TIGD3: variants seen among roughly 807,000 people sequenced by gnomAD.
The protein encoded by TIGD3 is tigger transposable element derived 3.
Under a neutral mutation model 14.8 loss-of-function variants are expected in TIGD3, and 7 were observed. The observed-to-expected ratio is 0.47, with a 90% CI of 0.27 to 0.89. The LOEUF is 0.89. Ranked by LOEUF, TIGD3 falls within the 40% of genes least tolerant of loss-of-function variation. The pLI is 0.13. For missense variants in TIGD3, 581 were observed against 611.0 expected (o/e 0.95, Z 0.52); for synonymous variants, 243 against 269.4 (o/e 0.90, Z 0.96).
In TIGD3 at chr11:65,356,172, G is replaced by T; in HGVS notation, c.364G>T (p.Gly122Cys). ...IMGQDFVPSI[G>C]WLVRWKRRNN... The stretch of plus-strand genomic sequence containing the variant: ...GGGCCAGGACTTCGTGCCCAGCATC[G>T]GCTGGCTGGTCCGCTGGAAACGCCG... Residue 122 changes from glycine (G) to cysteine (C), a missense_variant, in exon 2 of 2, where the codon GGC (glycine) becomes TGC (cysteine). Transcript: ENST00000309880. This position sits in a 1 kb window ranked among gnomAD's most constrained non-coding sequence, Gnocchi z 5.2. The T allele has an allele frequency of 6.2e-7, 1 of 1,612,072 alleles. No homozygotes were observed. The highest frequency in any genetic ancestry group is 8.5e-7 in the Non-Finnish European group (1 of 1,179,982).
rs775657846 is a variant in TIGD3 at position 65,356,220 on chromosome 11, C to G, written c.412C>G (p.Arg138Gly). Residue 138 changes from arginine (R) to glycine (G), a missense_variant, in exon 2 of 2, where the codon CGC becomes GGC. By Grantham distance (125) the Arg-to-Gly change is moderately radical. Transcript: ENST00000309880. The surrounding 1 kb of genome is among the most constrained non-coding windows in gnomAD (Gnocchi z 5.2). Reference protein sequence around the residue: ...KRRNNVGFGARHVLAPSFPPE... With the variant: ...KRRNNVGFGAGHVLAPSFPPE... ...CCGAAACAACGTCGGCTTTGGGGCC[C>G]GCCATGTTCTTGCGCCTTCATTCCC... The G allele has an allele frequency of 1.2e-6, 2 of 1,613,030 alleles. No homozygotes were observed. The highest frequency in any genetic ancestry group is 1.7e-6 in the Non-Finnish European group (2 of 1,180,012).
At position 65,356,150 on chromosome 11, in the gene TIGD3, C is replaced by G. The variant is rs1854849329; in HGVS notation, c.342C>G (p.Gly114=). ...CCAAGGAGCTGGCCGATATCATGGGCCAGGACTTCGTGCCCAGCATCGGCT... is the reference window on the plus strand; with the variant it reads ...CCAAGGAGCTGGCCGATATCATGGGGCAGGACTTCGTGCCCAGCATCGGCT... ...HKAKELADIM[G]QDFVPSIGWL... Residue 114 remains glycine, a synonymous_variant, in exon 2 of 2, where the codon GGC becomes GGG. Coordinates refer to ENST00000309880, the MANE Select transcript of TIGD3 (RefSeq NM_145719.3). This position sits in a 1 kb window ranked among gnomAD's most constrained non-coding sequence, Gnocchi z 5.2. 1 of 1,611,950 alleles carries G rather than the reference C, an allele frequency of 6.2e-7. No individual in the cohort carries two copies. Among genetic ancestry groups the G allele is most frequent in the South Asian group, 1.1e-5 (1 of 91,082 alleles).
chr11:65,355,387 C>T (rs1175494748), intron 1 of TIGD3, among the ~76,000 whole-genome samples: 2 of 144,832 alleles, frequency 1.4e-5, no homozygotes, highest in African/African-American at 5.2e-5. Context: ...CTGAATCCAG[C>T]CCAAGCCGCC....
Position 65,356,549 on chromosome 11 carries a change from G to T in TIGD3, c.741G>T (p.Leu247Phe). The T allele has an allele frequency of 6.2e-7, 1 of 1,607,360 alleles. No homozygotes were observed. The change falls in exon 2 of 2, where the codon TTG becomes TTT. Residue 247 changes from leucine (L) to phenylalanine (F), a missense_variant. Transcript: ENST00000309880. This position sits in a 1 kb window ranked among gnomAD's most constrained non-coding sequence, Gnocchi z 5.2. The stretch of plus-strand genomic sequence containing the variant: ...TGGGCATCCCCTGGTTAGAGTGGTT[G>T]GCACAGTTTGACCGGGACATGGGAC... ...PDLGIPWLEWLAQFDRDMGQQ... is the reference protein window; with the variant it reads ...PDLGIPWLEWFAQFDRDMGQQ...
At chr11:65,355,126 C>G (rs950605966) in intron 1 of TIGD3, among the ~76,000 whole-genome samples, 169 bp downstream of exon 1, 2 of 151,780 alleles carry the variant, frequency 1.3e-5, no homozygotes, top group Non-Finnish European at 2.9e-5. Context: ...CCACCCTCCC[C>G]GCGGGGACAC....
chr11:65,356,305 A>G lies in TIGD3; in HGVS notation c.497A>G (p.Asp166Gly). The G allele has an allele frequency of 6.2e-7, 1 of 1,612,600 alleles. No homozygotes were observed. The highest frequency in any genetic ancestry group is 1.1e-5 in the South Asian group (1 of 91,088). Residue 166 changes from aspartate to glycine, a missense_variant, in exon 2 of 2, where the codon GAC becomes GGC. Physicochemically the swap from Asp to Gly is moderately conservative, Grantham distance 94. Transcript: ENST00000309880. The surrounding 1 kb of genome is among the most constrained non-coding windows in gnomAD (Gnocchi z 5.2). ...SQAQLPLSLK[D>G]FSPEDVFGCA... ...GCTCAGCTGCCTCTTTCCCTAAAAG[A>G]CTTCTCTCCAGAGGACGTGTTTGGC...
rs1565551767 is a variant in TIGD3, at chr11:65,357,286, C to A, written c.*62C>A. The A allele has an allele frequency of 1.4e-5, 20 of 1,469,066 alleles. No homozygotes were observed. Among genetic ancestry groups the A allele is most frequent in the Non-Finnish European group, 1.9e-5 (20 of 1,064,856 alleles). 91.0% of individuals were successfully genotyped at this position (1,469,066 alleles called of 1,614,324 possible). A position where few individuals can be genotyped will look rare whatever the true frequency, so the allele number is the denominator to read the frequency against. On this transcript the variant is annotated 3_prime_UTR_variant, in exon 2 of 2. Transcript: ENST00000309880. Reference sequence around the variant, plus strand: ...TTGTTTCCCATGGAAACGGCCTCTTCAGAAGGCAGATCGGGCTGTCTCTTT... The same window carrying A: ...TTGTTTCCCATGGAAACGGCCTCTTAAGAAGGCAGATCGGGCTGTCTCTTT...
chr11:65,355,111 G>C (rs1229332393), intron 1 of TIGD3, among the ~76,000 whole-genome samples, 154 bp downstream of exon 1: 2 of 151,798 alleles, frequency 1.3e-5, no homozygotes, highest in African/African-American at 4.8e-5. Flanking sequence ...GACCCTCCCA[G>C]GCCACCACCC....
In TIGD3 at chr11:65,355,805, G is replaced by C. The variant is rs752126002; in HGVS notation, c.-4G>C. The C allele has an allele frequency of 6.2e-7, 1 of 1,604,926 alleles. No homozygotes were observed. The highest frequency in any genetic ancestry group is 1.1e-5 in the South Asian group (1 of 90,638). ...CCTCCCCGCACAGGTGCCCCGGAGAGGCCATGGAGCTGAGCAGCAAGAAGA... is the reference window on the plus strand; with the variant it reads ...CCTCCCCGCACAGGTGCCCCGGAGACGCCATGGAGCTGAGCAGCAAGAAGA... On this transcript the variant is annotated 5_prime_UTR_variant, in exon 2 of 2. Coordinates refer to ENST00000309880, the MANE Select transcript of TIGD3 (RefSeq NM_145719.3).
At position 65,357,367 on chromosome 11, in the gene TIGD3, A is replaced by C. The variant is rs910214055; in HGVS notation, c.*143A>C. 1.4e-5 allele frequency: 11 copies of C among 792,658 alleles called. No individual in the cohort carries two copies. In the African/African-American group the frequency reaches 1.4e-4, roughly 10 times the overall value. 49.1% of individuals were successfully genotyped at this position (792,658 alleles called of 1,614,324 possible). ...AGAAGGGAGAGAAGTTGGGACACCA[A>C]GTCTGAGCTTGGAGTGGCAGTCGTC... On this transcript the variant is annotated 3_prime_UTR_variant, in exon 2 of 2. Transcript: ENST00000309880.
At chr11:65,355,587 G>T (rs1854837676) in intron 1 of TIGD3, among the ~76,000 whole-genome samples, 1 of 151,958 alleles carries the variant, frequency 6.6e-6, no homozygotes, top group Non-Finnish European at 1.5e-5. Context: ...TGAGTGGAGA[G>T]ACGCCCCCTC....
Position 65,355,952 on chromosome 11 carries a change from C to T in TIGD3, c.144C>T (p.Ile48=). Residue 48 remains isoleucine, a synonymous_variant, in exon 2 of 2, where the codon ATC becomes ATT. Coordinates refer to ENST00000309880, the MANE Select transcript of TIGD3 (RefSeq NM_145719.3). ...TTTCCCAGCCCCAGATCTCGCGCAT[C>T]TGCAAGAATAAGGAGAAGCTGCTGG... ...FQVSQPQISR[I]CKNKEKLLAD... 6.2e-7 allele frequency: 1 copy of T among 1,613,956 alleles called. No individual in the cohort carries two copies. Among genetic ancestry groups the T allele is most frequent in the Non-Finnish European group, 8.5e-7 (1 of 1,180,044 alleles).
rs1207896074 is a variant in TIGD3, at chr11:65,356,772, G to A, written c.964G>A (p.Glu322Lys). 3 of 1,612,980 alleles carry A rather than the reference G, an allele frequency of 1.9e-6. No individual in the cohort carries two copies. Among genetic ancestry groups the A allele is most frequent in the East Asian group, 2.2e-5 (1 of 44,882 alleles). ...GGGCAAACTGGCTGCCATCCAAAGC[G>A]AGAGGGATGGCACCTCGCTGGCCGA... ...LLGKLAAIQS[E>K]RDGTSLAEAG... Residue 322 changes from glutamate (E) to lysine (K), a missense_variant, in exon 2 of 2, where the codon GAG becomes AAG. By Grantham distance (56) the Glu-to-Lys change is moderately conservative. Coordinates refer to ENST00000309880, the MANE Select transcript of TIGD3 (RefSeq NM_145719.3). This position sits in a 1 kb window ranked among gnomAD's most constrained non-coding sequence, Gnocchi z 5.2.
chr11:65,357,339 T>A lies in TIGD3; in HGVS notation c.*115T>A. On this transcript the variant is annotated 3_prime_UTR_variant, in exon 2 of 2. Coordinates refer to ENST00000309880, the MANE Select transcript of TIGD3 (RefSeq NM_145719.3). ...TGTGGAAATAGAACTGTCGTAAAGGTGTAGAAGGGAGAGAAGTTGGGACAC... is the reference window on the plus strand; with the variant it reads ...TGTGGAAATAGAACTGTCGTAAAGGAGTAGAAGGGAGAGAAGTTGGGACAC... 9.9e-7 allele frequency: 1 copy of A among 1,013,126 alleles called. No individual in the cohort carries two copies. Among genetic ancestry groups the A allele is most frequent in the Non-Finnish European group, 1.4e-6 (1 of 694,480 alleles). The allele number at this position is 1,013,126 out of a possible 1,614,324, so 62.8% of individuals were successfully genotyped here.
chr11:65,356,119 A>G lies in TIGD3; in HGVS notation c.311A>G (p.His104Arg), dbSNP rs202146837. Reference protein sequence around the residue: ...AWDVTGPMLLHKAKELADIMG... With the variant: ...AWDVTGPMLLRKAKELADIMG... ...GACGTGACGGGGCCCATGCTGCTCC[A>G]CAAAGCCAAGGAGCTGGCCGATATC... The change falls in exon 2 of 2, where the codon CAC becomes CGC. Residue 104 changes from histidine to arginine, a missense_variant. His to Arg is a conservative substitution (Grantham distance 29). Coordinates refer to ENST00000309880, the MANE Select transcript of TIGD3 (RefSeq NM_145719.3). This position sits in a 1 kb window ranked among gnomAD's most constrained non-coding sequence, Gnocchi z 5.2. 5.2e-4 allele frequency: 840 copies of G among 1,611,568 alleles called. 1 individual carries two copies. The highest frequency in any genetic ancestry group is 6.8e-4 in the Non-Finnish European group (808 of 1,180,020).
In TIGD3 at chr11:65,356,193, C is replaced by T. The variant is rs367746409; in HGVS notation, c.385C>T (p.Arg129Cys). The T allele has an allele frequency of 9.1e-5, 147 of 1,611,740 alleles. No homozygotes were observed. Among genetic ancestry groups the T allele is most frequent in the Non-Finnish European group, 1.2e-4 (136 of 1,179,958 alleles). ...CATCGGCTGGCTGGTCCGCTGGAAACGCCGAAACAACGTCGGCTTTGGGGC... is the reference window on the plus strand; with the variant it reads ...CATCGGCTGGCTGGTCCGCTGGAAATGCCGAAACAACGTCGGCTTTGGGGC... ...PSIGWLVRWK[R>C]RNNVGFGARH... The change falls in exon 2 of 2, where the codon CGC becomes TGC. Residue 129 changes from arginine (R) to cysteine (C), a missense_variant. Arg to Cys is a radical substitution (Grantham distance 180). Transcript: ENST00000309880. The surrounding 1 kb of genome is among the most constrained non-coding windows in gnomAD (Gnocchi z 5.2).
chr11:65,357,340 G>T lies in TIGD3; in HGVS notation c.*116G>T. On this transcript the variant is annotated 3_prime_UTR_variant, in exon 2 of 2. Coordinates refer to ENST00000309880, the MANE Select transcript of TIGD3 (RefSeq NM_145719.3). ...GTGGAAATAGAACTGTCGTAAAGGT[G>T]TAGAAGGGAGAGAAGTTGGGACACC... 1 of 996,892 alleles carries T rather than the reference G, an allele frequency of 1.0e-6. No individual in the cohort carries two copies. The allele number at this position is 996,892 out of a possible 1,614,324, so 61.8% of individuals were successfully genotyped here. A position where few individuals can be genotyped will look rare whatever the true frequency, so the allele number is the denominator to read the frequency against.
In TIGD3 at chr11:65,357,019, G is replaced by C. The variant is rs1854866771; in HGVS notation, c.1211G>C (p.Arg404Thr). Residue 404 changes from arginine to threonine, a missense_variant, in exon 2 of 2, where the codon AGG (arginine) becomes ACG (threonine). Arg to Thr is a moderately conservative substitution (Grantham distance 71, BLOSUM62 -1). Transcript: ENST00000309880. Reference sequence around the variant, plus strand: ...GTGGACCTGGAGGGTGAGGAGCCAAGGTCTGGAGTATGTAAGGAGGAGATA... The same window carrying C: ...GTGGACCTGGAGGGTGAGGAGCCAACGTCTGGAGTATGTAAGGAGGAGATA... ...RFVDLEGEEPRSGVCKEEIGT... is the reference protein window; with the variant it reads ...RFVDLEGEEPTSGVCKEEIGT... 3 of 1,614,024 alleles carry C rather than the reference G, an allele frequency of 1.9e-6. No individual in the cohort carries two copies. Among genetic ancestry groups the C allele is most frequent in the East Asian group, 2.2e-5 (1 of 44,898 alleles).
rs1170977653 is a variant in TIGD3, at chr11:65,356,533, C to A, written c.725C>A (p.Pro242His). 1 of 1,607,140 alleles carries A rather than the reference C, an allele frequency of 6.2e-7. No individual in the cohort carries two copies. Among genetic ancestry groups the A allele is most frequent in the Non-Finnish European group, 8.5e-7 (1 of 1,179,954 alleles). The change falls in exon 2 of 2, where the codon CCC becomes CAC. Residue 242 changes from proline (P) to histidine (H), a missense_variant. Transcript: ENST00000309880. The surrounding 1 kb of genome is among the most constrained non-coding windows in gnomAD (Gnocchi z 5.2). ...TCCTACCACCCGGACCTGGGCATCC[C>A]CTGGTTAGAGTGGTTGGCACAGTTT... ...PASYHPDLGI[P>H]WLEWLAQFDR...
Sources: allele counts gnomAD v4.1 joint callset (sites outside exome capture counted in the v4.1 genomes callset), GRCh38; gene constraint gnomAD v4.1.1; non-coding constraint Gnocchi (gnomAD v3.1); transcripts MANE v1.5; gene names NCBI Gene and HGNC (gene_info 2026-07-23, HGNC 2026-07-21).